Variants in BRPF3 observed in about 807,000 individuals in gnomAD.
BRPF3 encodes bromodomain and PHD finger containing 3.
Under a neutral mutation model 102.0 loss-of-function variants are expected in BRPF3, and 18 were observed. That is an observed-to-expected ratio of 0.18 (90% CI 0.12 to 0.26). BRPF3 has a LOEUF of 0.26. Among genes scored for constraint, BRPF3 ranks in the 10% least tolerant of loss-of-function variants. The pLI is 1.00. For synonymous variants in BRPF3, 570 were observed against 614.2 expected, an observed-to-expected ratio of 0.93 and a Z score of 1.06; for missense variants, 1,147 against 1,567.8, an observed-to-expected ratio of 0.73 and a Z score of 4.53.
At position 36,201,779 on chromosome 6, in the gene BRPF3, G is replaced by A. The variant is rs1767714029; in HGVS notation, c.1448+9G>A. On this transcript the variant is annotated intron_variant, in intron 2 of 12. Transcript: ENST00000357641. This position sits in a 1 kb window ranked among gnomAD's most constrained non-coding sequence, Gnocchi z 5.1. ...CAGATACCCTCTTACAGGTAAGCATGCCCAGAAGGGCTCCTTAGGGACTCA... is the reference window on the plus strand; with the variant it reads ...CAGATACCCTCTTACAGGTAAGCATACCCAGAAGGGCTCCTTAGGGACTCA... 22 of 1,580,724 alleles carry A rather than the reference G, an allele frequency of 1.4e-5. No homozygotes were observed. The highest frequency in any genetic ancestry group is 1.8e-5 in the Non-Finnish European group (21 of 1,163,804).
At chr6:36,215,059 G>A (rs1038291130) in intron 8 of BRPF3, among the ~76,000 whole-genome samples, 1 of 152,054 alleles carries the variant, frequency 6.6e-6, no homozygotes, top group Non-Finnish European at 1.5e-5. Flanking sequence ...GGTGGGGTGG[G>A]GTGAGGTGGT....
At chr6:36,225,244 C>G (rs1768691904) in intron 10 of BRPF3, 23 bp from the exon 11 acceptor site, 1 of 1,596,852 alleles carries the variant, frequency 6.3e-7, no homozygotes, top group Non-Finnish European at 8.5e-7. Flanking sequence ...TGGGTGCTGT[C>G]TCCTCCCCTC....
At chr6:36,203,402 G>T (rs1048670451) in intron 2 of BRPF3, among the ~76,000 whole-genome samples, 1 of 152,086 alleles carries the variant, frequency 6.6e-6, no homozygotes, top group African/African-American at 2.4e-5. Flanking sequence ...TGCTGCTGCT[G>T]CTATTTTATT....
In BRPF3 at chr6:36,209,795, C is replaced by G; in HGVS notation, c.1746C>G (p.Val582=). The G allele has an allele frequency of 1.2e-6, 2 of 1,614,074 alleles. No individual in the cohort carries two copies. Among genetic ancestry groups the G allele is most frequent in the East Asian group, 4.5e-5 (2 of 44,886 alleles). The part of the protein sequence containing the change: ...REKLKREQVK[V]QQAAMELELM... Reference sequence around the variant, plus strand: ...CCCCACCTTCCCCACAGGTCAAAGTCCAGCAGGCTGCCATGGAGCTGGAGC... The same window carrying G: ...CCCCACCTTCCCCACAGGTCAAAGTGCAGCAGGCTGCCATGGAGCTGGAGC... Residue 582 remains valine, a synonymous_variant, in exon 5 of 13, where the codon GTC becomes GTG. Coordinates refer to ENST00000357641, the MANE Select transcript of BRPF3 (RefSeq NM_015695.3).
At chr6:36,197,241 C>T (rs1767528841) in intron 1 of BRPF3, 2 of 152,228 alleles carry the variant, frequency 1.3e-5, no homozygotes, top group South Asian at 2.1e-4. Context: ...CCCGCCCCCG[C>T]CACGCCTTCC....
intron 1 of BRPF3, 38 bp downstream of exon 1, chr6:36,197,008 CG>C (rs1767514594): frequency 8.2e-6 from 1 of 121,278 alleles, no homozygotes; most frequent in Non-Finnish European, 1.8e-5. Flanking sequence ...AGAGCGGGGG[CG>C]GGGGCATCGG....
rs1768044311 is a variant in BRPF3, at chr6:36,210,011, C to T, written c.1866+96C>T. The T allele has an allele frequency of 2.0e-6, 3 of 1,532,666 alleles. No individual in the cohort carries two copies. Among genetic ancestry groups the T allele is most frequent in the Middle Eastern group, 3.6e-4 (2 of 5,560 alleles). The allele number at this position is 1,532,666 out of a possible 1,614,324, so 94.9% of individuals were successfully genotyped here. On this transcript the variant is annotated intron_variant, in intron 5 of 12. Coordinates refer to ENST00000357641, the MANE Select transcript of BRPF3 (RefSeq NM_015695.3). The surrounding 1 kb of genome is among the most constrained non-coding windows in gnomAD (Gnocchi z 4.7). ...GAGTTGGGCCACAGGGTGTACAAAA[C>T]CAGGGGTAGGAGGGTGGGTCTGGCA...
Position 36,211,301 on chromosome 6 carries a change from A to T in BRPF3, c.2223A>T (p.Pro741=), listed in dbSNP as rs1018985807. The T allele has an allele frequency of 3.7e-6, 6 of 1,614,090 alleles. No homozygotes were observed. In the Admixed American group the frequency reaches 5.0e-5, roughly 13 times the overall value. The change falls in exon 7 of 13, where the codon CCA becomes CCT. Residue 741 remains proline, a synonymous_variant. Coordinates refer to ENST00000357641, the MANE Select transcript of BRPF3 (RefSeq NM_015695.3). ...CAGAGAACCGGGCCCATTTGTCCCC[A>T]GAGGTGCAGCTGAAGGAGCTGCTGG... The part of the protein sequence containing the change: ...LIPENRAHLS[P]EVQLKELLEK...
chr6:36,213,822 G>C (rs1768219255), intron 7 of BRPF3, 58 bp from the exon 8 acceptor site: 1 of 1,518,124 alleles, frequency 6.6e-7, no homozygotes, highest in South Asian at 1.3e-5. Context: ...TCAGTATCTA[G>C]CTTGTAGGAG....
At chr6:36,214,718 GA>G (rs1226508159) in intron 8 of BRPF3, among the ~76,000 whole-genome samples, 2 of 152,134 alleles carry the variant, frequency 1.3e-5, no homozygotes, top group Admixed American at 6.5e-5. Context: ...GGCATTGGGG[GA>G]AAAAATCAAT....
chr6:36,204,818 G>C lies in BRPF3; in HGVS notation c.1605+4G>C, dbSNP rs375182851. The stretch of plus-strand genomic sequence containing the variant: ...GTCCCAAAGAAACGCTGAGCAGGTA[G>C]GTGCAGTGGTGATTTGAGGCTGGTA... On this transcript the variant is annotated splice_donor_region_variant and intron_variant, in intron 3 of 12. Transcript: ENST00000357641. 2.7e-5 allele frequency: 44 copies of C among 1,610,496 alleles called. No individual in the cohort carries two copies. Among genetic ancestry groups the C allele is most frequent in the Non-Finnish European group, 3.6e-5 (42 of 1,177,038 alleles).
chr6:36,222,551 T>G (rs1768588346), intron 10 of BRPF3, among the ~76,000 whole-genome samples: 2 of 152,070 alleles, frequency 1.3e-5, no homozygotes, highest in South Asian at 4.1e-4. Flanking sequence ...CCCTGGAACA[T>G]CAACTGCTAG....
intron 10 of BRPF3, among the ~76,000 whole-genome samples, chr6:36,223,006 C>T (rs1179332332): frequency 6.6e-6 from 1 of 152,078 alleles, no homozygotes; most frequent in African/African-American, 2.4e-5. Context: ...CATACATAAC[C>T]CTGTAGTTTT....
chr6:36,209,046 G>A (rs1346996283), intron 4 of BRPF3, among the ~76,000 whole-genome samples: 1 of 152,184 alleles, frequency 6.6e-6, no homozygotes, highest in Non-Finnish European at 1.5e-5. Flanking sequence ...GACTAAGTCA[G>A]ACCTGGGTTC....
chr6:36,207,335 G>T lies in BRPF3; in HGVS notation c.1628G>T (p.Ser543Ile). ...AEQREQDEKT[S>I]AVKEELKYWQ... The stretch of plus-strand genomic sequence containing the variant: ...TAGCGAGAGCAGGATGAGAAGACAA[G>T]TGCAGTGAAGGAGGAGCTGAAGTAT... Residue 543 changes from serine to isoleucine, a missense_variant, in exon 4 of 13, where the codon AGT (serine) becomes ATT (isoleucine). Transcript: ENST00000357641. 6.2e-7 allele frequency: 1 copy of T among 1,614,058 alleles called. No homozygotes were observed. The highest frequency in any genetic ancestry group is 8.5e-7 in the Non-Finnish European group (1 of 1,179,986).
intron 10 of BRPF3, among the ~76,000 whole-genome samples, chr6:36,224,076 G>C (rs1768645778): frequency 1.3e-5 from 2 of 152,158 alleles, no homozygotes; most frequent in Non-Finnish European, 2.9e-5. Context: ...AAAATTACAA[G>C]TGGAGTTAAG....
chr6:36,209,771 C>A lies in BRPF3; in HGVS notation c.1738-16C>A, dbSNP rs990172683. On this transcript the variant is annotated splice_polypyrimidine_tract_variant and intron_variant, in intron 4 of 12. Coordinates refer to ENST00000357641, the MANE Select transcript of BRPF3 (RefSeq NM_015695.3). ...AGGGGATGTTCTGATCTGATCTCACCCCACCTTCCCCACAGGTCAAAGTCC... is the reference window on the plus strand; with the variant it reads ...AGGGGATGTTCTGATCTGATCTCACACCACCTTCCCCACAGGTCAAAGTCC... 8.7e-6 allele frequency: 14 copies of A among 1,612,812 alleles called. No individual in the cohort carries two copies. Among genetic ancestry groups the A allele is most frequent in the African/African-American group, 1.3e-5 (1 of 74,936 alleles).
chr6:36,213,998 T>G lies in BRPF3; in HGVS notation c.2601T>G (p.Pro867=). ...TGAAACCCATTAATGATAGCAAACC[T>G]CCAAGCAGGTTCCTAAAGCCCAGAA... ...PTLKPINDSK[P]PSRFLKPRKV... The change falls in exon 8 of 13, where the codon CCT becomes CCG. Residue 867 remains proline (P), a synonymous_variant. Transcript: ENST00000357641. The G allele has an allele frequency of 6.2e-7, 1 of 1,612,412 alleles. No homozygotes were observed. Among genetic ancestry groups the G allele is most frequent in the Non-Finnish European group, 8.5e-7 (1 of 1,179,622 alleles).
rs755747786 is a variant in BRPF3, at chr6:36,201,683, A to C, written c.1361A>C (p.Gln454Pro). 1 of 1,614,106 alleles carries C rather than the reference A, an allele frequency of 6.2e-7. No homozygotes were observed. The highest frequency in any genetic ancestry group is 8.5e-7 in the Non-Finnish European group (1 of 1,180,034). ...AAGAAAAGCAAGATGAGTTTGAAGC[A>C]GAAGATCAAGAAGGAGCCAGAGGAA... ...VPKKSKMSLKQKIKKEPEEAG... is the reference protein window; with the variant it reads ...VPKKSKMSLKPKIKKEPEEAG... The change falls in exon 2 of 13, where the codon CAG becomes CCG. Residue 454 changes from glutamine (Q) to proline (P), a missense_variant. This residue lies in a region of BRPF3 where 157 missense variants were observed against 163.6 expected (regional missense o/e 0.96). Coordinates refer to ENST00000357641, the MANE Select transcript of BRPF3 (RefSeq NM_015695.3). The surrounding 1 kb of genome is among the most constrained non-coding windows in gnomAD (Gnocchi z 5.1).
Sources: allele counts gnomAD v4.1 joint callset (sites outside exome capture counted in the v4.1 genomes callset), GRCh38; gene constraint gnomAD v4.1.1; regional missense constraint gnomAD v4.1.1; non-coding constraint Gnocchi (gnomAD v3.1); transcripts MANE v1.5; gene names NCBI Gene and HGNC (gene_info 2026-07-23, HGNC 2026-07-21).